The following KIF26B variants were observed in gnomAD, a reference collection of about 807,000 sequenced individuals.
The protein encoded by KIF26B is kinesin-like protein KIF26B.
In KIF26B, 63 loss-of-function variants were observed where a neutral mutation model predicts 151.2. The ratio of observed to expected loss-of-function variants is 0.42; its 90% CI spans 0.34 to 0.51. The LOEUF (loss-of-function observed/expected upper bound fraction) is 0.51. KIF26B is among the 20% of genes least tolerant of loss of function. KIF26B has a pLI of 0.07. For synonymous variants in KIF26B, 1,357 were observed against 1,262.1 expected (o/e 1.08, Z -1.59); for missense variants, 2,813 against 2,913.6 (o/e 0.97, Z 0.79).
Position 245,341,323 on chromosome 1 carries a change from T to G in KIF26B, c.466-25511T>G, listed in dbSNP as rs1488612853. Among the ~76,000 whole-genome samples the G allele has an allele frequency of 1.2e-4, 9 of 78,014 alleles. No homozygotes were observed. In the Admixed American group the frequency reaches 1.2e-3, roughly 10 times the overall value. The allele number at this position is 78,014 out of a possible 152,430, so 51.2% of individuals were successfully genotyped here. Reference sequence around the variant, plus strand: ...ATGCAGTTTTTTTTTTTTTTTTTTTTTTTTTTTTTTTTTTTGAGACACTGT... The same window carrying G: ...ATGCAGTTTTTTTTTTTTTTTTTTTGTTTTTTTTTTTTTTTGAGACACTGT... On this transcript the variant is annotated intron_variant, in intron 2 of 14. Coordinates refer to ENST00000407071, the MANE Select transcript of KIF26B (RefSeq NM_018012.4).
At chr1:245,280,584 T>C (rs1318889918) in intron 2 of KIF26B, among the ~76,000 whole-genome samples, 1 of 139,764 alleles carries the variant, frequency 7.2e-6, no homozygotes, top group Non-Finnish European at 1.5e-5. Flanking sequence ...AAAGGGGTCC[T>C]TGGGAAGTTT....
intron 4 of KIF26B, among the ~76,000 whole-genome samples, chr1:245,531,365 G>C (rs966769258): frequency 6.6e-6 from 1 of 151,668 alleles, no homozygotes; most frequent in Non-Finnish European, 1.5e-5. Context: ...CCAGGTCTGA[G>C]AGTCAGCAGC....
intron 5 of KIF26B, among the ~76,000 whole-genome samples, chr1:245,599,257 A>C (rs1383048638): frequency 6.6e-6 from 1 of 152,202 alleles, no homozygotes; most frequent in East Asian, 1.9e-4. Flanking sequence ...AGAAAAACTT[A>C]ATTTCCTTCC....
In KIF26B at chr1:245,210,673, C is replaced by T. The variant is rs575210591; in HGVS notation, c.465+53990C>T. On this transcript the variant is annotated intron_variant, in intron 2 of 14. Transcript: ENST00000407071. ...TGAGTGTTTCCAGAGGAGGCCATCACCGTAGGAGGAGAAGCTGGACTCAGA... is the reference window on the plus strand; with the variant it reads ...TGAGTGTTTCCAGAGGAGGCCATCATCGTAGGAGGAGAAGCTGGACTCAGA... Among the ~76,000 whole-genome samples the T allele has an allele frequency of 2.6e-5, 4 of 152,186 alleles. No homozygotes were observed. The South Asian group carries it at 8.3e-4, about 32-fold the overall frequency.
intron 3 of KIF26B, among the ~76,000 whole-genome samples, chr1:245,402,917 TC>T (rs972746866): frequency 9.8e-5 from 15 of 152,320 alleles, no homozygotes; most frequent in African/African-American, 3.6e-4. Context: ...CTGACACAAC[TC>T]CTCATTTTGT....
In KIF26B at chr1:245,489,293, T is replaced by A. The variant is rs1033467540; in HGVS notation, c.1167-51474T>A. On this transcript the variant is annotated intron_variant, in intron 4 of 14. Transcript: ENST00000407071. ...GGATAAGAGGATGCAGCTTCATTTG[T>A]TAAATTGCAGTTGCATGTCAGTTAT... Among the ~76,000 whole-genome samples, 5 of 152,378 alleles carry A rather than the reference T, an allele frequency of 3.3e-5. 1 individual carries two copies. The South Asian group carries it at 1.0e-3, about 32-fold the overall frequency.
At chr1:245,314,963 C>T (rs1216734239) in intron 2 of KIF26B, among the ~76,000 whole-genome samples, 2 of 152,040 alleles carry the variant, frequency 1.3e-5, no homozygotes, top group Non-Finnish European at 2.9e-5. Flanking sequence ...GGTGGATCAC[C>T]TGAGGTCGGG....
intron 10 of KIF26B, among the ~76,000 whole-genome samples, chr1:245,663,217 C>CT (rs59795838): frequency 0.68 from 102,387 of 150,976 alleles, 34,861 homozygotes; most frequent in East Asian, 0.82. Context: ...CTCAGCTCAT[C>CT]TTTTCCCCTT....
rs35600032 is a variant in KIF26B at position 245,706,409 on chromosome 1, G to A, written c.*3803G>A. The A allele has an allele frequency of 6.6e-5, 10 of 152,134 alleles. No homozygotes were observed. Among genetic ancestry groups the A allele is most frequent in the East Asian group, 1.9e-4 (1 of 5,198 alleles). 9.4% of individuals were successfully genotyped at this position (152,134 alleles called of 1,614,324 possible). Reference sequence around the variant, plus strand: ...AGATTTGTTCAATGCAAACACAGCCGTCTATATCATTGGCCACTGCTGATT... The same window carrying A: ...AGATTTGTTCAATGCAAACACAGCCATCTATATCATTGGCCACTGCTGATT... On this transcript the variant is annotated 3_prime_UTR_variant, in exon 15 of 15. Transcript: ENST00000407071.
intron 2 of KIF26B, among the ~76,000 whole-genome samples, chr1:245,338,438 C>T (rs148909708): frequency 1.2e-4 from 19 of 152,196 alleles, no homozygotes; most frequent in African/African-American, 4.6e-4. Flanking sequence ...GCCAAAAATA[C>T]TTAATGGTTA....
At chr1:245,165,865 A>G (rs751908631) in intron 2 of KIF26B, among the ~76,000 whole-genome samples, 1 of 152,182 alleles carries the variant, frequency 6.6e-6, no homozygotes, top group Non-Finnish European at 1.5e-5. Flanking sequence ...TGTTGGAAGA[A>G]TTTCTGGTGC....
At chr1:245,588,655 G>C (rs1457629239) in intron 5 of KIF26B, among the ~76,000 whole-genome samples, 1 of 152,196 alleles carries the variant, frequency 6.6e-6, no homozygotes, top group East Asian at 1.9e-4. Context: ...CCTAAAACTT[G>C]AAAATGAAGG....
intron 4 of KIF26B, among the ~76,000 whole-genome samples, chr1:245,427,329 C>A (rs1177615085): frequency 1.3e-5 from 2 of 152,162 alleles, no homozygotes; most frequent in East Asian, 3.9e-4. Flanking sequence ...ACAAACAGGC[C>A]AGGCGTGGTG....
chr1:245,626,879 C>A (rs1021014482), intron 9 of KIF26B, among the ~76,000 whole-genome samples: 2 of 152,096 alleles, frequency 1.3e-5, no homozygotes, highest in South Asian at 2.1e-4. Flanking sequence ...AATATTTAAG[C>A]CTTTAATAAA....
chr1:245,532,301 A>T (rs541922700), intron 4 of KIF26B, among the ~76,000 whole-genome samples: 145 of 138,464 alleles, frequency 1.0e-3, no homozygotes, highest in South Asian at 5.9e-3. Flanking sequence ...GCTGGAGTGC[A>T]GTGGCGCGAT....
chr1:245,498,071 T>A (rs1558189110), intron 4 of KIF26B, among the ~76,000 whole-genome samples: 1 of 152,250 alleles, frequency 6.6e-6, no homozygotes, highest in Non-Finnish European at 1.5e-5. Context: ...CAGTTGATTT[T>A]TCAACATTCA....
chr1:245,688,483 G>A lies in KIF26B; in HGVS notation c.5500G>A (p.Gly1834Arg), dbSNP rs2044571292. The change falls in exon 12 of 15, where the codon GGG becomes AGG. Residue 1834 changes from glycine (G) to arginine (R), a missense_variant. Physicochemically the swap from Gly to Arg is moderately radical, Grantham distance 125 (BLOSUM62 -2). This residue lies in a region of KIF26B where 2,060 missense variants were observed against 2,088.6 expected (regional missense o/e 0.99). Transcript: ENST00000407071. Reference sequence around the variant, plus strand: ...CGGGCCCGAGGCGGAGGCGCGCGGGGGGGCCCTGGCCGAGGACGAGCCCGC... The same window carrying A: ...CGGGCCCGAGGCGGAGGCGCGCGGGAGGGCCCTGGCCGAGGACGAGCCCGC... Reference protein sequence around the residue: ...RAGPEAEARGGALAEDEPAAA... With the variant: ...RAGPEAEARGRALAEDEPAAA... 2 of 1,405,446 alleles carry A rather than the reference G, an allele frequency of 1.4e-6. No individual in the cohort carries two copies. Among genetic ancestry groups the A allele is most frequent in the African/African-American group, 1.5e-5 (1 of 66,094 alleles). The allele number at this position is 1,405,446 out of a possible 1,614,324, so 87.1% of individuals were successfully genotyped here.
chr1:245,429,029 A>G (rs776211346), intron 4 of KIF26B, among the ~76,000 whole-genome samples: 31 of 152,248 alleles, frequency 2.0e-4, no homozygotes, highest in Non-Finnish European at 4.0e-4. Flanking sequence ...TGAATAAGCA[A>G]ACAGAAAGCT....
intron 5 of KIF26B, among the ~76,000 whole-genome samples, chr1:245,593,253 T>C (rs576596746): frequency 1.1e-3 from 166 of 152,320 alleles, no homozygotes; most frequent in Admixed American, 2.0e-3. Context: ...ACACATGCCA[T>C]GGTGGTTTGC....
Sources: allele counts gnomAD v4.1 joint callset (sites outside exome capture counted in the v4.1 genomes callset), GRCh38; gene constraint gnomAD v4.1.1; regional missense constraint gnomAD v4.1.1; transcripts MANE v1.5; gene names NCBI Gene and HGNC (gene_info 2026-07-23, HGNC 2026-07-21).